Variants in DMBX1 observed in about 807,000 individuals in gnomAD.
DMBX1 encodes the protein diencephalon/mesencephalon homeobox 1.
In DMBX1, 7 loss-of-function variants were observed where a neutral mutation model predicts 30.4. The observed-to-expected ratio is 0.23, with a 90% CI of 0.13 to 0.43. DMBX1 has a LOEUF of 0.43. Among genes scored for constraint, DMBX1 ranks in the 20% least tolerant of loss-of-function variants. The pLI is 1.00. For synonymous variants in DMBX1, 222 were observed against 214.2 expected (o/e 1.04, Z -0.32); for missense variants, 460 against 508.5 (o/e 0.90, Z 0.92).
At chr1:46,508,982 G>C (rs1384700633) in intron 3 of DMBX1, among the ~76,000 whole-genome samples, 17 of 152,162 alleles carry the variant, frequency 1.1e-4, no homozygotes, top group Admixed American at 1.1e-3. Context: ...AGGTCAGTCT[G>C]TGAGGGGTTC....
rs767364053 is a variant in DMBX1 at position 46,512,076 on chromosome 1, C to T, written c.716C>T (p.Ala239Val). 2.5e-6 allele frequency: 4 copies of T among 1,612,932 alleles called. No homozygotes were observed. Among genetic ancestry groups the T allele is most frequent in the African/African-American group, 2.7e-5 (2 of 74,848 alleles). The change falls in exon 6 of 6, where the codon GCC becomes GTC. Residue 239 changes from alanine (A) to valine (V), a missense_variant. By Grantham distance (64) the Ala-to-Val change is moderately conservative. Coordinates refer to ENST00000360032, the MANE Select transcript of DMBX1 (RefSeq NM_172225.2). This position sits in a 1 kb window ranked among gnomAD's most constrained non-coding sequence, Gnocchi z 4.8. ...GGCAGCCTGACCATCACTCCTGTGGCCCCAGGGGGTGGCCTCCTGGGCCCC... is the reference window on the plus strand; with the variant it reads ...GGCAGCCTGACCATCACTCCTGTGGTCCCAGGGGGTGGCCTCCTGGGCCCC... ...SPGSLTITPV[A>V]PGGGLLGPSH...
chr1:46,501,258 CTT>C (rs1439666258), intron 2 of DMBX1, among the ~76,000 whole-genome samples: 5 of 131,632 alleles, frequency 3.8e-5, no homozygotes, highest in Admixed American at 2.4e-4. Context: ...TTCTTTCTTT[CTT>C]TCTTTCTTTC....
rs11211298 is a variant in DMBX1, at chr1:46,512,404, C to A, written c.1044C>A (p.Thr348=). The A allele has an allele frequency of 0.03, 47,680 of 1,613,996 alleles. 1,264 individuals are homozygous for A. Among genetic ancestry groups the A allele is most frequent in the African/African-American group, 0.13 (9,779 of 75,008 alleles). ...PPAGLAPASA[T]LNSKTTSIEN... is the part of the protein sequence containing the mutation. ...CAGGCCTGGCTCCTGCATCAGCTAC[C>A]CTGAACAGTAAAACCACAAGCATCG... is the stretch of plus-strand genomic sequence containing the variant. The change falls in exon 6 of 6, where the codon ACC becomes ACA. Residue 348 remains threonine, a synonymous_variant. Transcript: ENST00000360032. The surrounding 1 kb of genome is among the most constrained non-coding windows in gnomAD (Gnocchi z 4.8).
chr1:46,499,118 C>T (rs1235208667), intron 2 of DMBX1, among the ~76,000 whole-genome samples: 1 of 151,832 alleles, frequency 6.6e-6, no homozygotes, highest in African/African-American at 2.4e-5. Context: ...CTCACTGCAA[C>T]CTCCGCCTCC....
At chr1:46,503,239 C>T (rs768506034) in intron 2 of DMBX1, among the ~76,000 whole-genome samples, 38 of 152,236 alleles carry the variant, frequency 2.5e-4, no homozygotes, top group Non-Finnish European at 4.3e-4. Context: ...GCTCAAATGT[C>T]GGAGAGCCCT....
chr1:46,499,139 C>T (rs1016056170), intron 2 of DMBX1, among the ~76,000 whole-genome samples: 9 of 152,064 alleles, frequency 5.9e-5, no homozygotes, highest in African/African-American at 1.7e-4. Context: ...CCGGTTCAAG[C>T]GATTCTCCTG....
intron 5 of DMBX1, among the ~76,000 whole-genome samples, chr1:46,511,542 G>A (rs745941550): frequency 2.2e-4 from 33 of 152,222 alleles, no homozygotes; most frequent in Non-Finnish European, 4.1e-4. Flanking sequence ...CCATTTGGAA[G>A]TATTCCAATA....
intron 2 of DMBX1, among the ~76,000 whole-genome samples, chr1:46,505,107 C>T (rs1666206392): frequency 6.8e-6 from 1 of 146,288 alleles, no homozygotes; most frequent in Non-Finnish European, 1.5e-5. Flanking sequence ...ACAACAGGTG[C>T]TGGAGAGGAT....
chr1:46,505,531 A>C (rs955939750), intron 2 of DMBX1, among the ~76,000 whole-genome samples: 1 of 148,760 alleles, frequency 6.7e-6, no homozygotes, highest in African/African-American at 2.5e-5. Context: ...ATTCTCACTC[A>C]TAGGTGGGAA....
At chr1:46,490,038 T>C (rs972116988) in intron 1 of DMBX1, among the ~76,000 whole-genome samples, 161 bp downstream of exon 1, 1 of 151,996 alleles carries the variant, frequency 6.6e-6, no homozygotes, top group African/African-American at 2.4e-5. Context: ...AGCCAGGGAC[T>C]AGGAGACAGA....
intron 2 of DMBX1, among the ~76,000 whole-genome samples, chr1:46,502,033 TTTCTC>T (rs1352093208): frequency 1.3e-5 from 2 of 152,224 alleles, no homozygotes; most frequent in African/African-American, 2.4e-5. Flanking sequence ...CTATCACTCT[TTTCTC>T]TTAGCTTTCT....
chr1:46,504,362 T>C (rs1180531245), intron 2 of DMBX1, among the ~76,000 whole-genome samples: 1 of 147,652 alleles, frequency 6.8e-6, no homozygotes. Context: ...AACGTTTAAG[T>C]CTTTAATCCA....
rs935016650 is a variant in DMBX1 at position 46,515,767 on chromosome 1, C to T, written c.*3273C>T. ...CCACACCTGATGCTGGAGCCCCTCC[C>T]AGGCCTGCTGGGCCAACCTGGGCCT... On this transcript the variant is annotated 3_prime_UTR_variant, in exon 6 of 6. Coordinates refer to ENST00000360032, the MANE Select transcript of DMBX1 (RefSeq NM_172225.2). Among the ~76,000 whole-genome samples the T allele has an allele frequency of 1.3e-5, 2 of 152,240 alleles. No individual in the cohort carries two copies. Among genetic ancestry groups the T allele is most frequent in the African/African-American group, 4.8e-5 (2 of 41,476 alleles).
chr1:46,492,017 G>A (rs371617037), intron 2 of DMBX1, among the ~76,000 whole-genome samples: 1 of 152,196 alleles, frequency 6.6e-6, no homozygotes, highest in Non-Finnish European at 1.5e-5. Flanking sequence ...ACTCAGGAGG[G>A]GGGTAAACAC....
At position 46,491,154 on chromosome 1, in the gene DMBX1, T is replaced by G. The variant is rs1187285339; in HGVS notation, c.-13+371T>G. ...CTTAAGGAGCTTGAGGGAAACCTCC[T>G]CTTCCCCAAATTCGCACCAAATCTG... On this transcript the variant is annotated intron_variant, in intron 2 of 5. Coordinates refer to ENST00000360032, the MANE Select transcript of DMBX1 (RefSeq NM_172225.2). The surrounding 1 kb of genome is among the most constrained non-coding windows in gnomAD (Gnocchi z 5.5). Among the ~76,000 whole-genome samples the G allele has an allele frequency of 6.6e-6, 1 of 152,210 alleles. No individual in the cohort carries two copies. The highest frequency in any genetic ancestry group is 2.4e-5 in the African/African-American group (1 of 41,454).
In DMBX1 at chr1:46,493,074, C is replaced by G. The variant is rs1263410427; in HGVS notation, c.-13+2291C>G. On this transcript the variant is annotated intron_variant, in intron 2 of 5. Coordinates refer to ENST00000360032, the MANE Select transcript of DMBX1 (RefSeq NM_172225.2). This position sits in a 1 kb window ranked among gnomAD's most constrained non-coding sequence, Gnocchi z 4.1. ...CTCAAGGAGCCAGTCTTCACCTCCC[C>G]CACCCCTGCCTTCCCATTTCGCCCC... 6.6e-6 allele frequency among the ~76,000 whole-genome samples: 1 copy of G among 152,188 alleles called. No homozygotes were observed. The highest frequency in any genetic ancestry group is 1.9e-4 in the East Asian group (1 of 5,200).
intron 3 of DMBX1, among the ~76,000 whole-genome samples, chr1:46,508,232 T>C (rs1666278630): frequency 6.6e-6 from 1 of 151,922 alleles, no homozygotes; most frequent in African/African-American, 2.4e-5. Context: ...CCATGACCCA[T>C]GAGAGGGCAC....
Position 46,512,731 on chromosome 1 carries a change from G to A in DMBX1, c.*237G>A. 1.9e-6 allele frequency: 1 copy of A among 528,602 alleles called. No homozygotes were observed. Among genetic ancestry groups the A allele is most frequent in the South Asian group, 3.5e-5 (1 of 28,430 alleles). The allele number at this position is 528,602 out of a possible 1,614,324, so 32.7% of individuals were successfully genotyped here. A position where few individuals can be genotyped will look rare whatever the true frequency, so the allele number is the denominator to read the frequency against. On this transcript the variant is annotated 3_prime_UTR_variant, in exon 6 of 6. Coordinates refer to ENST00000360032, the MANE Select transcript of DMBX1 (RefSeq NM_172225.2). The surrounding 1 kb of genome is among the most constrained non-coding windows in gnomAD (Gnocchi z 4.8). ...GAATAGGGAGGAGGTGAGAGGCTGG[G>A]GTGCCCCAAGCTTCCCTCGGAGAAG...
chr1:46,496,811 C>G (rs1666032981), intron 2 of DMBX1, among the ~76,000 whole-genome samples: 1 of 152,234 alleles, frequency 6.6e-6, no homozygotes, highest in Non-Finnish European at 1.5e-5. Context: ...TAGCCAAGGT[C>G]ACAAAGCAGC....
Sources: gnomAD v4.1 joint callset for allele counts (sites outside exome capture counted in the v4.1 genomes callset) on GRCh38, gnomAD v4.1.1 for gene constraint, Gnocchi (gnomAD v3.1) non-coding constraint, MANE v1.5 for transcripts, NCBI Gene and HGNC (gene_info 2026-07-23, HGNC 2026-07-21) for gene names.